TRDN: variants seen among roughly 807,000 people sequenced by gnomAD.
TRDN encodes triadin in skeletal muscle.
Under a neutral mutation model 149.7 loss-of-function variants are expected in TRDN, and 161 were observed. The ratio of observed to expected loss-of-function variants is 1.08; its 90% confidence interval spans 0.95 to 1.23. The LOEUF (loss-of-function observed/expected upper bound fraction) is 1.23, where lower values mean the gene tolerates loss of function less well. Ranked by LOEUF, TRDN falls within the 50% of genes most tolerant of loss-of-function variation. TRDN has a pLI of 0.00. For missense variants in TRDN, 896 were observed against 823.5 expected, an observed-to-expected ratio of 1.09 and a Z score of -1.08; for synonymous variants, 294 against 250.5, an observed-to-expected ratio of 1.17 and a Z score of -1.64.
intron 24 of TRDN, among the ~76,000 whole-genome samples, chr6:123,284,092 C>CCA (rs1554220216): frequency 2.3e-5 from 3 of 131,930 alleles, no homozygotes; most frequent in African/African-American, 8.6e-5. Context: ...GCCCCCCCCC[C>CCA]AAAAATTGGT....
At position 123,234,708 on chromosome 6, in the gene TRDN, G is replaced by A. The variant is rs566776437; in HGVS notation, c.1976-10577C>T. On this transcript the variant is annotated intron_variant, in intron 38 of 40. Transcript: ENST00000334268. ...GAATACACTAAAGTGCTCATTCACA[G>A]CAACAAAAACTAATACCTTTTGTTG... 6.6e-5 allele frequency among the ~76,000 whole-genome samples: 10 copies of A among 152,188 alleles called. No individual in the cohort carries two copies. In the East Asian group the frequency reaches 1.6e-3, roughly 24 times the overall value.
At chr6:123,237,353 G>C (rs992388566) in intron 38 of TRDN, among the ~76,000 whole-genome samples, 4 of 152,046 alleles carry the variant, frequency 2.6e-5, no homozygotes, top group Admixed American at 2.6e-4. Flanking sequence ...TGGTTCAAGG[G>C]ATTTTCCTCT....
intron 9 of TRDN, among the ~76,000 whole-genome samples, chr6:123,480,984 A>G (rs1317630283): frequency 6.6e-6 from 1 of 152,106 alleles, no homozygotes; most frequent in Non-Finnish European, 1.5e-5. Context: ...AGACCCACCA[A>G]CAACTCCAGA....
At chr6:123,241,997 G>A (rs541244782) in intron 38 of TRDN, among the ~76,000 whole-genome samples, 1 of 152,192 alleles carries the variant, frequency 6.6e-6, no homozygotes, top group Middle Eastern at 3.4e-3. Flanking sequence ...TTATATAAAT[G>A]TTGACTCCCA....
At chr6:123,624,367 A>G (rs1018847337) in intron 1 of TRDN, among the ~76,000 whole-genome samples, 3 of 152,146 alleles carry the variant, frequency 2.0e-5, no homozygotes, top group Admixed American at 6.6e-5. Flanking sequence ...GCAGAAACTG[A>G]GCAGTGAAAT....
chr6:123,574,881 T>TATATATAC lies in TRDN; in HGVS notation c.23-3750_23-3749insGTATATAT, dbSNP rs1554259197. Among the ~76,000 whole-genome samples, 11 of 107,476 alleles carry TATATATAC rather than the reference T, an allele frequency of 1.0e-4. 1 individual carries two copies. Among genetic ancestry groups the TATATATAC allele is most frequent in the African/African-American group, 3.9e-4 (11 of 27,884 alleles). 70.5% of individuals were successfully genotyped at this position (107,476 alleles called of 152,430 possible). A position where few individuals can be genotyped will look rare whatever the true frequency, so the allele number is the denominator to read the frequency against. Reference sequence around the variant, plus strand: ...ACATATATATATATATATATATATATATATATATATATACACACATTTTCC... The same window carrying TATATATAC: ...ACATATATATATATATATATATATATATATATACATATATATATATACACACATTTTCC... On this transcript the variant is annotated intron_variant, in intron 1 of 40. Transcript: ENST00000334268.
intron 11 of TRDN, among the ~76,000 whole-genome samples, chr6:123,438,698 G>T (rs1398056188): frequency 6.6e-6 from 1 of 152,090 alleles, no homozygotes; most frequent in Non-Finnish European, 1.5e-5. Context: ...TTAAGCAGCT[G>T]CTCTTAAGAA....
intron 35 of TRDN, among the ~76,000 whole-genome samples, chr6:123,257,274 G>A (rs574486183): frequency 2.4e-4 from 36 of 149,946 alleles, no homozygotes; most frequent in South Asian, 1.5e-3. Flanking sequence ...AACCACGCCC[G>A]GCATGTTTAA....
At chr6:123,254,918 T>C (rs766212783) in intron 37 of TRDN, 163 bp downstream of exon 37, 18 of 576,458 alleles carry the variant, frequency 3.1e-5, no homozygotes, top group Non-Finnish European at 5.2e-5. Flanking sequence ...TATTGAAATA[T>C]AAGCTTTCTG....
At chr6:123,587,037 CT>C (rs1783530138) in intron 1 of TRDN, among the ~76,000 whole-genome samples, 1 of 151,822 alleles carries the variant, frequency 6.6e-6, no homozygotes, top group African/African-American at 2.4e-5. Context: ...AAAAGCGGGA[CT>C]TGCTGCTCAG....
chr6:123,301,770 CATAT>C (rs35364593), intron 24 of TRDN, among the ~76,000 whole-genome samples: 2 of 57,834 alleles, frequency 3.5e-5, no homozygotes, highest in African/African-American at 7.5e-5. Context: ...TATATATATA[CATAT>C]ATATATATAT....
At chr6:123,420,060 A>T (rs1389760457) in intron 12 of TRDN, among the ~76,000 whole-genome samples, 1 of 152,168 alleles carries the variant, frequency 6.6e-6, no homozygotes, top group Non-Finnish European at 1.5e-5. Flanking sequence ...GAAAAAGGGG[A>T]TCCTGAAGTT....
Position 123,627,431 on chromosome 6 carries a change from G to A in TRDN, c.22+9323C>T, listed in dbSNP as rs183289844. ...TTTTTTTGAGTAGTAAATCTCAACA[G>A]TGGGCTTAAAATATTCAGTAAACTA... On this transcript the variant is annotated intron_variant, in intron 1 of 40. Coordinates refer to ENST00000334268, the MANE Select transcript of TRDN (RefSeq NM_006073.4). Among the ~76,000 whole-genome samples the A allele has an allele frequency of 2.2e-3, 340 of 152,192 alleles. 1 individual carries two copies. The highest frequency in any genetic ancestry group is 3.8e-3 in the Non-Finnish European group (258 of 67,996).
chr6:123,339,238 C>A (rs1779980795), intron 21 of TRDN, among the ~76,000 whole-genome samples: 1 of 152,118 alleles, frequency 6.6e-6, no homozygotes, highest in African/African-American at 2.4e-5. Context: ...CTCCTGACCT[C>A]AAGTGATCTG....
intron 24 of TRDN, among the ~76,000 whole-genome samples, chr6:123,301,648 A>G (rs1778399372): frequency 6.6e-6 from 1 of 150,416 alleles, no homozygotes; most frequent in Non-Finnish European, 1.5e-5. Flanking sequence ...ATGTCCTTGA[A>G]CTAACATGGT....
chr6:123,295,169 A>G (rs1365923962), intron 24 of TRDN, among the ~76,000 whole-genome samples: 1 of 152,164 alleles, frequency 6.6e-6, no homozygotes, highest in Non-Finnish European at 1.5e-5. Flanking sequence ...CCTTGCCATG[A>G]CAACACCCAG....
chr6:123,427,098 A>G (rs957164556), intron 12 of TRDN, among the ~76,000 whole-genome samples: 6 of 152,042 alleles, frequency 3.9e-5, no homozygotes, highest in Non-Finnish European at 8.8e-5. Context: ...CATGTGTAAT[A>G]AATTTTATTT....
intron 24 of TRDN, among the ~76,000 whole-genome samples, chr6:123,287,280 G>C (rs918632840): frequency 6.6e-6 from 1 of 152,098 alleles, no homozygotes; most frequent in Non-Finnish European, 1.5e-5. Context: ...GTATATGTCT[G>C]TCTATCCATG....
chr6:123,457,886 A>C (rs908067590), intron 10 of TRDN, among the ~76,000 whole-genome samples: 2 of 152,204 alleles, frequency 1.3e-5, no homozygotes, highest in African/African-American at 4.8e-5. Flanking sequence ...CTAGTTTCCC[A>C]AGCCTCCGCC....
Sources: gnomAD v4.1 joint callset for allele counts (sites outside exome capture counted in the v4.1 genomes callset) on GRCh38, gnomAD v4.1.1 for gene constraint, MANE v1.5 for transcripts, NCBI Gene and HGNC (gene_info 2026-07-23, HGNC 2026-07-21) for gene names.